TBC1D22A: variants seen among roughly 807,000 people sequenced by gnomAD.
The protein encoded by TBC1D22A is TBC1 domain family member 22A.
A neutral mutation model predicts 60.2 loss-of-function variants in TBC1D22A; 38 were observed. The observed-to-expected ratio is 0.63, with a 90% CI of 0.49 to 0.83. The LOEUF is 0.83. Ranked by LOEUF, TBC1D22A falls within the 40% of genes least tolerant of loss-of-function variation. The pLI is 0.00. For synonymous variants in TBC1D22A, 302 were observed against 281.7 expected (o/e 1.07, Z -0.72); for missense variants, 628 against 701.0 (o/e 0.90, Z 1.18).
intron 1 of TBC1D22A, among the ~76,000 whole-genome samples, chr22:46,775,972 G>A (rs903760849): frequency 3.3e-5 from 5 of 152,242 alleles, no homozygotes; most frequent in African/African-American, 7.2e-5. Flanking sequence ...GCCCTGGGGC[G>A]TGTGCAAAGG....
intron 1 of TBC1D22A, among the ~76,000 whole-genome samples, chr22:46,785,455 AC>A (rs2084119008): frequency 6.6e-6 from 1 of 152,184 alleles, no homozygotes; most frequent in South Asian, 2.1e-4. Flanking sequence ...AACACAATTC[AC>A]CCACAATAGC....
chr22:46,792,646 C>G lies in TBC1D22A; in HGVS notation c.119+70C>G, dbSNP rs1030368479. The G allele has an allele frequency of 2.5e-6, 4 of 1,612,530 alleles. No individual in the cohort carries two copies. In the African/African-American group the frequency reaches 4.0e-5, roughly 16 times the overall value. ...GGAGGGCTGTGGCAACCCCGGTCTT[C>G]CTGCTTCCTTCCTGCTCCCAGGCAT... On this transcript the variant is annotated intron_variant, in intron 2 of 12. Transcript: ENST00000337137.
intron 11 of TBC1D22A, among the ~76,000 whole-genome samples, chr22:47,037,923 TA>T (rs1011950798): frequency 6.6e-6 from 1 of 152,192 alleles, no homozygotes; most frequent in African/African-American, 2.4e-5. Context: ...AAAGATTTTT[TA>T]AAAAATCACA....
intron 8 of TBC1D22A, 35 bp downstream of exon 8, chr22:46,912,223 A>G (rs754601580): frequency 6.0e-6 from 9 of 1,487,746 alleles, no homozygotes; most frequent in South Asian, 5.7e-5. Context: ...CGTGAACTTT[A>G]GTGGACTTGC....
chr22:47,141,855 C>T (rs984152679), intron 12 of TBC1D22A, among the ~76,000 whole-genome samples: 4 of 152,170 alleles, frequency 2.6e-5, no homozygotes, highest in African/African-American at 9.7e-5. Context: ...TCCACTAGTT[C>T]CAAAATAGAA....
chr22:47,054,285 C>T (rs886079507), intron 11 of TBC1D22A, among the ~76,000 whole-genome samples: 9 of 152,200 alleles, frequency 5.9e-5, no homozygotes, highest in East Asian at 5.8e-4. Flanking sequence ...AAGTTAGAAA[C>T]GAGTGGACTT....
At chr22:47,013,905 C>T (rs1045491352) in intron 10 of TBC1D22A, among the ~76,000 whole-genome samples, 3 of 152,340 alleles carry the variant, frequency 2.0e-5, no homozygotes, top group South Asian at 2.1e-4. Flanking sequence ...AGGTCTGTGT[C>T]GCTGCACACG....
chr22:46,915,179 GA>G (rs796138277), intron 8 of TBC1D22A: 34 of 351,936 alleles, frequency 9.7e-5, no homozygotes, highest in African/African-American at 6.4e-4. Flanking sequence ...TCTTATCTTT[GA>G]ACATTCATTC....
At chr22:47,152,186 G>A (rs1210462136) in intron 12 of TBC1D22A, among the ~76,000 whole-genome samples, 1 of 152,206 alleles carries the variant, frequency 6.6e-6, no homozygotes, top group Non-Finnish European at 1.5e-5. Flanking sequence ...ACTAATGTTG[G>A]GAAGCAGATC....
At chr22:47,105,665 A>T (rs540608029) in intron 11 of TBC1D22A, among the ~76,000 whole-genome samples, 1 of 152,324 alleles carries the variant, frequency 6.6e-6, no homozygotes, top group South Asian at 2.1e-4. Flanking sequence ...TACTTATTTG[A>T]CCTAAAAAAA....
intron 11 of TBC1D22A, among the ~76,000 whole-genome samples, chr22:47,051,847 A>G (rs1569392331): frequency 6.6e-6 from 1 of 152,194 alleles, no homozygotes; most frequent in Non-Finnish European, 1.5e-5. Context: ...TCAGGGATTC[A>G]GTTTGTTTCA....
chr22:47,146,775 G>C (rs2067300560), intron 12 of TBC1D22A, among the ~76,000 whole-genome samples: 1 of 152,218 alleles, frequency 6.6e-6, no homozygotes, highest in Admixed American at 6.5e-5. Flanking sequence ...TGGAGGATGG[G>C]ACGCCAGGGC....
rs373398596 is a variant in TBC1D22A at position 47,173,534 on chromosome 22, C to A, written c.1462C>A (p.His488Asn). 49 of 1,614,056 alleles carry A rather than the reference C, an allele frequency of 3.0e-5. No individual in the cohort carries two copies. The African/African-American group carries it at 5.5e-4, about 18-fold the overall frequency. ...CTTCCTCCAGAACCTGCCCACAGCCCACTGGGATGATGAGGACATCAGCCT... is the reference window on the plus strand; with the variant it reads ...CTTCCTCCAGAACCTGCCCACAGCCAACTGGGATGATGAGGACATCAGCCT... ...LLFLQNLPTAHWDDEDISLLL... is the reference protein window; with the variant it reads ...LLFLQNLPTANWDDEDISLLL... The change falls in exon 13 of 13, where the codon CAC becomes AAC. Residue 488 changes from histidine to asparagine, a missense_variant. Coordinates refer to ENST00000337137, the MANE Select transcript of TBC1D22A (RefSeq NM_014346.5).
At chr22:46,960,669 C>T (rs751765246) in intron 8 of TBC1D22A, among the ~76,000 whole-genome samples, 29 of 152,212 alleles carry the variant, frequency 1.9e-4, no homozygotes, top group Non-Finnish European at 3.2e-4. Flanking sequence ...AGGCCAGGCG[C>T]GGCGTGGTGG....
rs900160621 is a variant in TBC1D22A at position 46,990,615 on chromosome 22, G to A, written c.1126-7019G>A. Among the ~76,000 whole-genome samples, 5 of 151,868 alleles carry A rather than the reference G, an allele frequency of 3.3e-5. No homozygotes were observed. The highest frequency in any genetic ancestry group is 2.1e-4 in the South Asian group (1 of 4,782). Reference sequence around the variant, plus strand: ...CACCAAGAAAGTGTCGCACAGTGTCGTCCCCTGCCCTGAACACCCTCGTGC... The same window carrying A: ...CACCAAGAAAGTGTCGCACAGTGTCATCCCCTGCCCTGAACACCCTCGTGC... On this transcript the variant is annotated intron_variant, in intron 9 of 12. Coordinates refer to ENST00000337137, the MANE Select transcript of TBC1D22A (RefSeq NM_014346.5). This position sits in a 1 kb window ranked among gnomAD's most constrained non-coding sequence, Gnocchi z 4.6.
intron 11 of TBC1D22A, among the ~76,000 whole-genome samples, chr22:47,091,507 C>T (rs2064973357): frequency 1.0e-5 from 1 of 98,308 alleles, no homozygotes; most frequent in Non-Finnish European, 2.0e-5. Flanking sequence ...GGGGTGGCTG[C>T]TTGTTGATAG....
At chr22:47,013,066 G>A (rs1312284502) in intron 10 of TBC1D22A, among the ~76,000 whole-genome samples, 1 of 152,212 alleles carries the variant, frequency 6.6e-6, no homozygotes, top group South Asian at 2.1e-4. Flanking sequence ...CGCCCCGTGC[G>A]CGAGTGGAGC....
At chr22:47,095,133 TG>T (rs2065123562) in intron 11 of TBC1D22A, among the ~76,000 whole-genome samples, 1 of 152,252 alleles carries the variant, frequency 6.6e-6, no homozygotes. Flanking sequence ...CTCTGCATTA[TG>T]GGCTGGTAAT....
chr22:47,015,661 C>T (rs2061887113), intron 10 of TBC1D22A, among the ~76,000 whole-genome samples: 1 of 152,182 alleles, frequency 6.6e-6, no homozygotes, highest in South Asian at 2.1e-4. Flanking sequence ...TCCCGGACAG[C>T]AGCAGCCAGG....
Sources: allele counts gnomAD v4.1 joint callset (sites outside exome capture counted in the v4.1 genomes callset), GRCh38; gene constraint gnomAD v4.1.1; non-coding constraint Gnocchi (gnomAD v3.1); transcripts MANE v1.5; gene names NCBI Gene and HGNC (gene_info 2026-07-23, HGNC 2026-07-21).